Variants in PPFIA4 observed in about 807,000 individuals in gnomAD.
The protein encoded by PPFIA4 is PPFI scaffold protein A4.
In PPFIA4, 98 loss-of-function variants were observed where a neutral mutation model predicts 145.7. The observed-to-expected ratio is 0.67, with a 90% CI of 0.57 to 0.80. The LOEUF (loss-of-function observed/expected upper bound fraction) is 0.80. Ranked by LOEUF, PPFIA4 falls within the 30% of genes least tolerant of loss-of-function variation. PPFIA4 has a pLI of 0.00. For missense variants in PPFIA4, 1,457 were observed against 1,632.7 expected (o/e 0.89, Z 1.85); for synonymous variants, 628 against 649.6 (o/e 0.97, Z 0.51).
At position 203,067,534 on chromosome 1, in the gene PPFIA4, G is replaced by T. The variant is rs529151844; in HGVS notation, c.3051-161G>T. 23 of 628,950 alleles carry T rather than the reference G, an allele frequency of 3.7e-5. No homozygotes were observed. The South Asian group carries it at 3.9e-4, about 11-fold the overall frequency. The allele number at this position is 628,950 out of a possible 1,614,324, so 39.0% of individuals were successfully genotyped here. On this transcript the variant is annotated intron_variant, in intron 25 of 29. Transcript: ENST00000295706. ...AAAGGGAGTAACCTCGGGATGGGTC[G>T]CAGGCAAGGCCCTGGGGAAGGAGGA...
chr1:203,060,966 G>T lies in PPFIA4; in HGVS notation c.2785-4G>T. 1 of 1,613,894 alleles carries T rather than the reference G, an allele frequency of 6.2e-7. No individual in the cohort carries two copies. Among genetic ancestry groups the T allele is most frequent in the Non-Finnish European group, 8.5e-7 (1 of 1,179,792 alleles). On this transcript the variant is annotated splice_region_variant and splice_polypyrimidine_tract_variant and intron_variant, in intron 22 of 29. Coordinates refer to ENST00000295706, the MANE Select transcript of PPFIA4 (RefSeq NM_001304331.2). This position sits in a 1 kb window ranked among gnomAD's most constrained non-coding sequence, Gnocchi z 4.8. ...GACCAGCTAGGTTTCCTCTCTGCCTGCAGTCTTCTGGGAATGTCTGGGTCA... is the reference window on the plus strand; with the variant it reads ...GACCAGCTAGGTTTCCTCTCTGCCTTCAGTCTTCTGGGAATGTCTGGGTCA...
In PPFIA4 at chr1:203,043,533, C is replaced by T. The variant is rs780741023; in HGVS notation, c.336+35C>T. The stretch of plus-strand genomic sequence containing the variant: ...GATGACCTTGTGTCGCGCGCGCGCA[C>T]GTGTGTGTGTGTGTGTATGGGGGTG... On this transcript the variant is annotated intron_variant, in intron 3 of 29. Transcript: ENST00000295706. This position sits in a 1 kb window ranked among gnomAD's most constrained non-coding sequence, Gnocchi z 4.4. 7.7e-5 allele frequency: 116 copies of T among 1,497,186 alleles called. No homozygotes were observed. The highest frequency in any genetic ancestry group is 9.7e-5 in the Non-Finnish European group (107 of 1,101,012). The allele number at this position is 1,497,186 out of a possible 1,614,324, so 92.7% of individuals were successfully genotyped here. A position where few individuals can be genotyped will look rare whatever the true frequency, so the allele number is the denominator to read the frequency against.
intron 1 of PPFIA4, chr1:203,035,647 G>A (rs1659192067): frequency 2.2e-6 from 1 of 456,646 alleles, no homozygotes; most frequent in African/African-American, 2.0e-5. Context: ...ACCTGTGAGT[G>A]TTACTTAGAA....
Position 203,043,007 on chromosome 1 carries a change from C to T in PPFIA4, c.235-390C>T, listed in dbSNP as rs1357979558. Among the ~76,000 whole-genome samples the T allele has an allele frequency of 1.3e-5, 2 of 152,156 alleles. No homozygotes were observed. Among genetic ancestry groups the T allele is most frequent in the Non-Finnish European group, 2.9e-5 (2 of 68,024 alleles). On this transcript the variant is annotated intron_variant, in intron 2 of 29. Coordinates refer to ENST00000295706, the MANE Select transcript of PPFIA4 (RefSeq NM_001304331.2). The surrounding 1 kb of genome is among the most constrained non-coding windows in gnomAD (Gnocchi z 4.4). The stretch of plus-strand genomic sequence containing the variant: ...AATCCACCAAACCAGAAGCAGAATT[C>T]CCCTCCATCAGTTTCTAAAGGAAAA...
chr1:203,047,855 G>A (rs1448811278), intron 9 of PPFIA4, among the ~76,000 whole-genome samples: 1 of 152,206 alleles, frequency 6.6e-6, no homozygotes, highest in African/African-American at 2.4e-5. Flanking sequence ...GGTGTGGCAT[G>A]AGCCCATGCT....
chr1:203,051,989 G>A (rs113766295), intron 14 of PPFIA4, 112 bp downstream of exon 14: 1 of 893,198 alleles, frequency 1.1e-6, no homozygotes, highest in Non-Finnish European at 1.6e-6. Context: ...CTTCCCTCCC[G>A]TGTCAATGAC....
At chr1:203,059,657 TG>T in intron 20 of PPFIA4, 112 bp from the exon 21 acceptor site, 1 of 820,322 alleles carries the variant, frequency 1.2e-6, no homozygotes, top group Non-Finnish European at 2.1e-6. Flanking sequence ...AAGTCCAGGG[TG>T]GGGAGCAAGG....
Position 203,075,743 on chromosome 1 carries a change from A to T in PPFIA4, c.3560A>T (p.Lys1187Met), listed in dbSNP as rs773992521. 7.3e-7 allele frequency: 1 copy of T among 1,375,562 alleles called. No homozygotes were observed. The allele number at this position is 1,375,562 out of a possible 1,614,324, so 85.2% of individuals were successfully genotyped here. The change falls in exon 29 of 30, where the codon AAG becomes ATG. Residue 1187 changes from lysine (K) to methionine (M), a missense_variant. Around this residue, in one of 3 missense-constraint regions of PPFIA4, gnomAD observed 146 missense variants for 126.2 expected, o/e 1.16. Transcript: ENST00000295706. The surrounding 1 kb of genome is among the most constrained non-coding windows in gnomAD (Gnocchi z 4.1). ...TLQPPPAPPK[K>M]IMPEAHSHYL... is the part of the protein sequence containing the mutation. ...CAGCCCCCACCGGCCCCGCCAAAGA[A>T]GATCATGCCTGAAGGTGAGTAACAG...
At chr1:203,061,793 A>G (rs894157935) in intron 24 of PPFIA4, 115 bp downstream of exon 24, 18 of 1,117,438 alleles carry the variant, frequency 1.6e-5, no homozygotes, top group South Asian at 1.0e-4. Flanking sequence ...AGCCCTGGAC[A>G]TAGGTTCTCT....
Position 203,048,518 on chromosome 1 carries a change from A to G in PPFIA4, c.1225-65A>G. Reference sequence around the variant, plus strand: ...AGAAGAGGACAGGGGAGGGAGTCAAACCCCAGCAGGAGAGGGTGGTCCTCC... The same window carrying G: ...AGAAGAGGACAGGGGAGGGAGTCAAGCCCCAGCAGGAGAGGGTGGTCCTCC... On this transcript the variant is annotated intron_variant, in intron 10 of 29. Coordinates refer to ENST00000295706, the MANE Select transcript of PPFIA4 (RefSeq NM_001304331.2). The surrounding 1 kb of genome is among the most constrained non-coding windows in gnomAD (Gnocchi z 5.8). 6.5e-7 allele frequency: 1 copy of G among 1,549,822 alleles called. No homozygotes were observed. The highest frequency in any genetic ancestry group is 8.7e-7 in the Non-Finnish European group (1 of 1,146,746).
Position 203,075,671 on chromosome 1 carries a change from C to T in PPFIA4, c.3488C>T (p.Ala1163Val). Residue 1163 changes from alanine (A) to valine (V), a missense_variant, in exon 29 of 30, where the codon GCG becomes GTG. Physicochemically the swap from Ala to Val is moderately conservative, Grantham distance 64. This residue lies in a region of PPFIA4 where 146 missense variants were observed against 126.2 expected (regional missense o/e 1.16). Coordinates refer to ENST00000295706, the MANE Select transcript of PPFIA4 (RefSeq NM_001304331.2). This position sits in a 1 kb window ranked among gnomAD's most constrained non-coding sequence, Gnocchi z 4.1. Reference protein sequence around the residue: ...HGRGGMLSASAETLPAGFRVS... With the variant: ...HGRGGMLSASVETLPAGFRVS... Reference sequence around the variant, plus strand: ...CGCGGCGGCATGCTCAGCGCTTCCGCGGAGACCCTCCCGGCGGGCTTCCGT... The same window carrying T: ...CGCGGCGGCATGCTCAGCGCTTCCGTGGAGACCCTCCCGGCGGGCTTCCGT... 2.0e-6 allele frequency: 3 copies of T among 1,503,038 alleles called. No homozygotes were observed. Among genetic ancestry groups the T allele is most frequent in the Non-Finnish European group, 2.7e-6 (3 of 1,124,448 alleles). 93.1% of individuals were successfully genotyped at this position (1,503,038 alleles called of 1,614,324 possible). A position where few individuals can be genotyped will look rare whatever the true frequency, so the allele number is the denominator to read the frequency against.
At chr1:203,058,396 C>G (rs2102667376) in intron 19 of PPFIA4, among the ~76,000 whole-genome samples, 1 of 152,160 alleles carries the variant, frequency 6.6e-6, no homozygotes, top group East Asian at 1.9e-4. Flanking sequence ...CCTTCTTCCC[C>G]AGTCCACAGG....
chr1:203,052,137 T>C (rs1355679185), intron 14 of PPFIA4, among the ~76,000 whole-genome samples: 1 of 145,086 alleles, frequency 6.9e-6, no homozygotes, highest in East Asian at 2.1e-4. Context: ...GAAGTGTGTG[T>C]GCGTGTGCCT....
chr1:203,034,427 A>G, intron 1 of PPFIA4: 1 of 454,632 alleles, frequency 2.2e-6, no homozygotes, highest in South Asian at 1.6e-5. Flanking sequence ...GAAGAAGGAG[A>G]AGCTTCTGGG....
intron 1 of PPFIA4, chr1:203,037,110 T>C (rs1659331632): frequency 7.7e-6 from 2 of 258,838 alleles, no homozygotes; most frequent in South Asian, 3.0e-5. Flanking sequence ...GCACTAACTT[T>C]CCTCAGATCT....
chr1:203,073,553 CT>C (rs1662315307), intron 28 of PPFIA4, among the ~76,000 whole-genome samples: 2 of 132,906 alleles, frequency 1.5e-5, no homozygotes, highest in East Asian at 4.2e-4. Flanking sequence ...TCCTGTCCAA[CT>C]GTCTAGCACA....
intron 25 of PPFIA4, 115 bp downstream of exon 25, chr1:203,064,118 G>A: frequency 1.8e-6 from 2 of 1,109,492 alleles, no homozygotes; most frequent in Non-Finnish European, 2.5e-6. Context: ...GTTCTGAGTG[G>A]CAACAGGTCT....
At chr1:203,069,296 C>T (rs1006500036) in intron 27 of PPFIA4, among the ~76,000 whole-genome samples, 12 of 152,126 alleles carry the variant, frequency 7.9e-5, no homozygotes, top group African/African-American at 2.9e-4. Context: ...AGAAGTACTG[C>T]TTGTTGTGTA....
At chr1:203,072,080 G>A (rs1189278799) in intron 28 of PPFIA4, among the ~76,000 whole-genome samples, 1 of 152,108 alleles carries the variant, frequency 6.6e-6, no homozygotes, top group Non-Finnish European at 1.5e-5. Flanking sequence ...TTCCCCAAAG[G>A]CCATATCTTT....
Sources: gnomAD v4.1 joint callset for allele counts (sites outside exome capture counted in the v4.1 genomes callset) on GRCh38, gnomAD v4.1.1 for gene constraint, gnomAD v4.1.1 regional missense constraint, Gnocchi (gnomAD v3.1) non-coding constraint, MANE v1.5 for transcripts, NCBI Gene and HGNC (gene_info 2026-07-23, HGNC 2026-07-21) for gene names.